Variants in NECAB2 observed in about 807,000 individuals in gnomAD.
NECAB2 encodes N-terminal EF-hand calcium-binding protein 2.
Under a neutral mutation model 51.9 loss-of-function variants are expected in NECAB2, and 68 were observed. The ratio of observed to expected loss-of-function variants is 1.31; its 90% CI spans 1.08 to 1.60. The LOEUF is 1.60. Among genes scored for constraint, NECAB2 ranks in the 40% most tolerant of loss-of-function variants. NECAB2 has a pLI of 0.00. For missense variants in NECAB2, 854 were observed against 490.3 expected (o/e 1.74, Z -7.00); for synonymous variants, 329 against 203.5 (o/e 1.62, Z -5.25).
chr16:83,975,689 G>A (rs917106054), intron 2 of NECAB2, among the ~76,000 whole-genome samples: 1 of 152,142 alleles, frequency 6.6e-6, no homozygotes, highest in Admixed American at 6.5e-5. Flanking sequence ...TAAACTCAGG[G>A]GGTGGCAGAG....
In NECAB2 at chr16:83,968,494, C is replaced by T. The variant is rs1483292050; in HGVS notation, c.-155C>T. 1.0e-5 allele frequency: 5 copies of T among 489,306 alleles called. No homozygotes were observed. In the East Asian group the frequency reaches 4.7e-4, roughly 46 times the overall value. The allele number at this position is 489,306 out of a possible 1,614,324, so 30.3% of individuals were successfully genotyped here. On this transcript the variant is annotated 5_prime_UTR_variant, in exon 1 of 13. Transcript: ENST00000305202. Reference sequence around the variant, plus strand: ...CTCGGGGTCCGGCCGGCCCGCCCCCCGGCGCCGGCCAGTCCCCGCGGTGTC... The same window carrying T: ...CTCGGGGTCCGGCCGGCCCGCCCCCTGGCGCCGGCCAGTCCCCGCGGTGTC...
At chr16:83,998,789 T>G (rs961479530) in intron 10 of NECAB2, among the ~76,000 whole-genome samples, 4 of 134,396 alleles carry the variant, frequency 3.0e-5, no homozygotes, top group African/African-American at 7.6e-5. Context: ...GCCCAAGTCA[T>G]GTAGTTGCCC....
At chr16:84,001,965 G>C in intron 12 of NECAB2, 49 bp downstream of exon 12, 1 of 1,584,256 alleles carries the variant, frequency 6.3e-7, no homozygotes, top group Non-Finnish European at 8.6e-7. Flanking sequence ...CTGGAGAGAA[G>C]GGCAAGAGCC....
chr16:83,998,477 G>C (rs527311852), intron 10 of NECAB2, among the ~76,000 whole-genome samples, 160 bp downstream of exon 10: 3 of 152,272 alleles, frequency 2.0e-5, no homozygotes, highest in East Asian at 1.9e-4. Flanking sequence ...CTCTACTGAG[G>C]TTCCTCCCAG....
At position 83,972,323 on chromosome 16, in the gene NECAB2, C is replaced by T. The variant is rs901074953; in HGVS notation, c.226+148C>T. 2.9e-5 allele frequency: 33 copies of T among 1,129,862 alleles called. No homozygotes were observed. The African/African-American group carries it at 4.9e-4, about 17-fold the overall frequency. 70.0% of individuals were successfully genotyped at this position (1,129,862 alleles called of 1,614,324 possible). On this transcript the variant is annotated intron_variant, in intron 2 of 12. Transcript: ENST00000305202. ...GAAGTTAGAAGGCCAAATCCTGCTG[C>T]TGCTCTGTGCCTTGACCTCCCTGTC...
chr16:83,998,812 T>C (rs2084761666), intron 10 of NECAB2, among the ~76,000 whole-genome samples: 1 of 152,124 alleles, frequency 6.6e-6, no homozygotes, highest in African/African-American at 2.4e-5. Context: ...CTCCCCCTGA[T>C]GTGCTGAGAT....
Position 83,990,505 on chromosome 16 carries a change from T to C in NECAB2, c.471T>C (p.Gly157=). 3 of 1,613,744 alleles carry C rather than the reference T, an allele frequency of 1.9e-6. No homozygotes were observed. The highest frequency in any genetic ancestry group is 1.6e-4 in the Middle Eastern group (1 of 6,062). The change falls in exon 6 of 13, where the codon GGT becomes GGC. Residue 157 remains glycine (G), a synonymous_variant. Transcript: ENST00000305202. ...AMGYTKKVYE[G]GSNVDQFVTR... is the part of the protein sequence containing the mutation. ...TCTTCCTTCCACAGGTATATGAGGG[T>C]GGGAGCAACGTGGACCAGTTTGTGA...
At chr16:84,002,084 C>T (rs1337663818) in intron 12 of NECAB2, among the ~76,000 whole-genome samples, 168 bp downstream of exon 12, 1 of 152,188 alleles carries the variant, frequency 6.6e-6, no homozygotes, top group East Asian at 1.9e-4. Flanking sequence ...GCCCCACATA[C>T]AGGTATGCCT....
intron 12 of NECAB2, 148 bp downstream of exon 12, chr16:84,002,064 C>T (rs1281456132): frequency 4.2e-5 from 44 of 1,059,084 alleles, no homozygotes; most frequent in Non-Finnish European, 5.6e-5. Flanking sequence ...TCAGAGCCAG[C>T]CCTGAGGTGG....
At chr16:83,997,773 G>T (rs7199201) in intron 9 of NECAB2, among the ~76,000 whole-genome samples, 4 of 152,038 alleles carry the variant, frequency 2.6e-5, no homozygotes, top group Non-Finnish European at 5.9e-5. Context: ...GATTACAGGC[G>T]TGAGCCACCA....
intron 11 of NECAB2, among the ~76,000 whole-genome samples, chr16:84,001,507 T>C (rs1268123312): frequency 6.6e-6 from 1 of 152,138 alleles, no homozygotes; most frequent in Non-Finnish European, 1.5e-5. Context: ...TCGCAGCTTC[T>C]GTGTTGTCAT....
upstream of NECAB2, chr16:83,965,919 C>T: frequency 6.2e-7 from 1 of 1,612,726 alleles, no homozygotes; most frequent in Non-Finnish European, 8.5e-7. Context: ...GGGCCGCTGG[C>T]CGGGGACAAC....
At chr16:83,982,596 C>T (rs1383171520) in intron 5 of NECAB2, among the ~76,000 whole-genome samples, 1 of 152,184 alleles carries the variant, frequency 6.6e-6, no homozygotes, top group African/African-American at 2.4e-5. Context: ...GGTTTTCTCA[C>T]CTTAGAAGGG....
intron 8 of NECAB2, among the ~76,000 whole-genome samples, chr16:83,996,365 G>A (rs1200613281): frequency 6.6e-6 from 1 of 152,194 alleles, no homozygotes; most frequent in African/African-American, 2.4e-5. Flanking sequence ...AGAGCCCAGT[G>A]CAAAATGAGC....
Position 83,975,267 on chromosome 16 carries a change from C to T in NECAB2, c.226+3092C>T, listed in dbSNP as rs2550442. ...GAATGTGAACCGGTGTGCAGGGAGGCGTGGGTGCGGGGATGGGAACAGGTG... is the reference window on the plus strand; with the variant it reads ...GAATGTGAACCGGTGTGCAGGGAGGTGTGGGTGCGGGGATGGGAACAGGTG... On this transcript the variant is annotated intron_variant, in intron 2 of 12. Transcript: ENST00000305202. Among the ~76,000 whole-genome samples the T allele has an allele frequency of 3.4e-4, 27 of 80,118 alleles. No individual in the cohort carries two copies. The South Asian group carries it at 3.6e-3, about 11-fold the overall frequency. 52.6% of individuals were successfully genotyped at this position (80,118 alleles called of 152,430 possible).
upstream of NECAB2, chr16:83,965,248 C>T (rs201940808): frequency 3.4e-4 from 545 of 1,611,790 alleles, no homozygotes; most frequent in Non-Finnish European, 4.3e-4. Flanking sequence ...TGAGCGGCTT[C>T]CTGACCAGGA....
Position 83,981,019 on chromosome 16 carries a change from T to G in NECAB2, c.362-11T>G. The G allele has an allele frequency of 6.2e-7, 1 of 1,613,824 alleles. No homozygotes were observed. On this transcript the variant is annotated splice_polypyrimidine_tract_variant and intron_variant, in intron 4 of 12. Transcript: ENST00000305202. Reference sequence around the variant, plus strand: ...ACCTGTGACCCCTGACCTTTGCCTTTCCTTCCCCAGATTACTTTGTGGACC... The same window carrying G: ...ACCTGTGACCCCTGACCTTTGCCTTGCCTTCCCCAGATTACTTTGTGGACC...
chr16:83,998,183 T>C (rs2084746567), intron 9 of NECAB2, 22 bp from the exon 10 acceptor site: 1 of 1,601,882 alleles, frequency 6.2e-7, no homozygotes, highest in Non-Finnish European at 8.5e-7. Flanking sequence ...AGCCCCACAC[T>C]GACTCCTGCT....
At chr16:83,967,796 A>G (rs2084303164), upstream of NECAB2, among the ~76,000 whole-genome samples, 1 of 112,868 alleles carries the variant, frequency 8.9e-6, no homozygotes, top group Admixed American at 8.9e-5. Context: ...GATGCCAGGG[A>G]GGGAGGATGA....
Sources: gnomAD v4.1 joint callset for allele counts (sites outside exome capture counted in the v4.1 genomes callset) on GRCh38, gnomAD v4.1.1 for gene constraint, MANE v1.5 for transcripts, NCBI Gene and HGNC (gene_info 2026-07-23, HGNC 2026-07-21) for gene names.